DNER: variants seen among roughly 807,000 people sequenced by gnomAD.
DNER encodes the protein delta and Notch-like epidermal growth factor-related receptor.
In DNER, 33 loss-of-function variants were observed where a neutral mutation model predicts 78.2. The ratio of observed to expected loss-of-function variants is 0.42; its 90% CI spans 0.32 to 0.56. The LOEUF is 0.56. Ranked by LOEUF, DNER falls within the 20% of genes least tolerant of loss-of-function variation. The pLI, the probability that DNER is intolerant of heterozygous loss-of-function variation, is 0.11. For synonymous variants in DNER, 417 were observed against 384.8 expected (o/e 1.08, Z -0.98); for missense variants, 918 against 975.3 (o/e 0.94, Z 0.78).
chr2:229,421,642 T>G (rs138833262), intron 8 of DNER, among the ~76,000 whole-genome samples: 11,140 of 28,276 alleles, frequency 0.39, 1,242 homozygotes, highest in African/African-American at 0.52. Flanking sequence ...TATATATATA[T>G]ATAGAGAGAG....
rs577007313 is a variant in DNER, at chr2:229,534,918, C to T, written c.993+12029G>A. On this transcript the variant is annotated intron_variant, in intron 5 of 12. Transcript: ENST00000341772. ...TGGCACGATCTCAACTCACTGCAACCTCTGCCACCTGTGTTCAAGCAATTC... is the reference window on the plus strand; with the variant it reads ...TGGCACGATCTCAACTCACTGCAACTTCTGCCACCTGTGTTCAAGCAATTC... Among the ~76,000 whole-genome samples the T allele has an allele frequency of 1.1e-4, 17 of 152,192 alleles. 1 individual carries two copies. The South Asian group carries it at 3.3e-3, about 30-fold the overall frequency.
chr2:229,503,125 C>T (rs991772219), intron 6 of DNER, among the ~76,000 whole-genome samples: 4 of 152,152 alleles, frequency 2.6e-5, no homozygotes, highest in African/African-American at 4.8e-5. Flanking sequence ...ATTTCTAAAC[C>T]GAAAACTGTA....
Position 229,407,487 on chromosome 2 carries a change from GCCCACT to G in DNER, c.1610-148_1610-143del. On this transcript the variant is annotated intron_variant, in intron 9 of 12. Coordinates refer to ENST00000341772, the MANE Select transcript of DNER (RefSeq NM_139072.4). The stretch of plus-strand genomic sequence containing the variant: ...TGTGTGGGTGAGTGTATACACACGT[GCCCACT>G]CATGATTTTAGATTGTTGTAAAAAC... The G allele has an allele frequency of 5.3e-6, 3 of 563,210 alleles. No homozygotes were observed. The South Asian group carries it at 1.0e-4, about 19-fold the overall frequency. The allele number at this position is 563,210 out of a possible 1,614,324, so 34.9% of individuals were successfully genotyped here.
At chr2:229,418,279 C>G in intron 8 of DNER, 49 bp from the exon 9 acceptor site, 2 of 1,611,070 alleles carry the variant, frequency 1.2e-6, no homozygotes, top group South Asian at 2.2e-5. Flanking sequence ...CCATTTACAA[C>G]CCACGCGGGA....
At chr2:229,488,403 ATG>A (rs1458320976) in intron 6 of DNER, among the ~76,000 whole-genome samples, 5 of 152,148 alleles carry the variant, frequency 3.3e-5, no homozygotes, top group East Asian at 3.9e-4. Flanking sequence ...GTGTTTGTGT[ATG>A]TGTTATGTGC....
At chr2:229,639,230 A>G (rs1205049764) in intron 1 of DNER, among the ~76,000 whole-genome samples, 1 of 152,186 alleles carries the variant, frequency 6.6e-6, no homozygotes, top group Non-Finnish European at 1.5e-5. Flanking sequence ...CAATTATTTT[A>G]GACTGTTTTC....
intron 4 of DNER, among the ~76,000 whole-genome samples, chr2:229,561,194 G>T (rs1445963047): frequency 1.3e-5 from 2 of 152,066 alleles, no homozygotes; most frequent in Admixed American, 6.6e-5. Flanking sequence ...CAAATTAGAA[G>T]ACACAACAGT....
At position 229,452,903 on chromosome 2, in the gene DNER, C is replaced by T. The variant is rs572569865; in HGVS notation, c.1262-5363G>A. On this transcript the variant is annotated intron_variant, in intron 7 of 12. Coordinates refer to ENST00000341772, the MANE Select transcript of DNER (RefSeq NM_139072.4). ...TCAGCCTCCCAAAGTGCTGGGATTA[C>T]AGGCGTGAGCCACCACACCCAGCCA... is the stretch of plus-strand genomic sequence containing the variant. Among the ~76,000 whole-genome samples, 5 of 152,346 alleles carry T rather than the reference C, an allele frequency of 3.3e-5. No individual in the cohort carries two copies. In the South Asian group the frequency reaches 1.0e-3, roughly 32 times the overall value.
intron 6 of DNER, among the ~76,000 whole-genome samples, chr2:229,484,963 A>G (rs1193455858): frequency 6.6e-6 from 1 of 152,234 alleles, no homozygotes; most frequent in Non-Finnish European, 1.5e-5. Context: ...ATCCCTAGCA[A>G]ATTCAAAGCC....
At chr2:229,555,661 T>C (rs1238457266) in intron 4 of DNER, among the ~76,000 whole-genome samples, 1 of 152,148 alleles carries the variant, frequency 6.6e-6, no homozygotes, top group African/African-American at 2.4e-5. Context: ...GGAGTCAAGA[T>C]ACAGGTACAT....
chr2:229,436,448 G>A (rs1380462723), intron 8 of DNER, among the ~76,000 whole-genome samples: 2 of 152,136 alleles, frequency 1.3e-5, no homozygotes, highest in East Asian at 1.9e-4. Context: ...GAAATGCAGA[G>A]AACACCTATG....
At chr2:229,377,254 T>C (rs1260619469) in intron 11 of DNER, among the ~76,000 whole-genome samples, 1 of 152,194 alleles carries the variant, frequency 6.6e-6, no homozygotes, top group Non-Finnish European at 1.5e-5. Flanking sequence ...CAAAATATCA[T>C]TAATTCAATA....
intron 12 of DNER, among the ~76,000 whole-genome samples, chr2:229,365,574 T>C (rs1574807220): frequency 2.0e-5 from 3 of 152,130 alleles, no homozygotes; most frequent in Non-Finnish European, 4.4e-5. Flanking sequence ...GTAGCTAGGA[T>C]TACAGGCACC....
chr2:229,426,274 T>C (rs1350423559), intron 8 of DNER, among the ~76,000 whole-genome samples: 19 of 151,812 alleles, frequency 1.3e-4, no homozygotes, highest in Admixed American at 1.2e-3. Context: ...ACCCTGTCTC[T>C]ACTAAAAATA....
intron 9 of DNER, among the ~76,000 whole-genome samples, chr2:229,415,413 G>A (rs1357275708): frequency 6.6e-6 from 1 of 152,124 alleles, no homozygotes; most frequent in Non-Finnish European, 1.5e-5. Context: ...AGCCACACCT[G>A]GACCTAGGAA....
intron 8 of DNER, among the ~76,000 whole-genome samples, chr2:229,439,305 C>T (rs1694188081): frequency 6.6e-6 from 1 of 152,208 alleles, no homozygotes; most frequent in African/African-American, 2.4e-5. Context: ...GTAAAAATGT[C>T]CTCAGTGGTC....
intron 1 of DNER, among the ~76,000 whole-genome samples, chr2:229,707,004 A>AT (rs968044713): frequency 7.9e-5 from 12 of 151,528 alleles, no homozygotes; most frequent in Non-Finnish European, 1.0e-4. Flanking sequence ...AGAAAAGGTG[A>AT]TTTTTTTTGT....
chr2:229,656,427 G>T (rs1395517140), intron 1 of DNER, among the ~76,000 whole-genome samples: 9 of 152,144 alleles, frequency 5.9e-5, no homozygotes, highest in African/African-American at 2.2e-4. Context: ...GATCACCTCT[G>T]GAAAAGTGCA....
chr2:229,643,598 C>T (rs574164818), intron 1 of DNER, among the ~76,000 whole-genome samples: 1 of 152,304 alleles, frequency 6.6e-6, no homozygotes, highest in African/African-American at 2.4e-5. Context: ...CTACCTGTAC[C>T]TCAGTTTCCT....
Sources: gnomAD v4.1 joint callset for allele counts (sites outside exome capture counted in the v4.1 genomes callset) on GRCh38, gnomAD v4.1.1 for gene constraint, MANE v1.5 for transcripts, NCBI Gene and HGNC (gene_info 2026-07-23, HGNC 2026-07-21) for gene names.